Variants in SDK1 observed in about 807,000 individuals in gnomAD.
SDK1 encodes the protein sidekick cell adhesion molecule 1, also known as protein sidekick-1.
Under a neutral mutation model 245.5 loss-of-function variants are expected in SDK1, and 157 were observed. The ratio of observed to expected loss-of-function variants is 0.64; its 90% CI spans 0.56 to 0.73. The LOEUF is 0.73. Among genes scored for constraint, SDK1 ranks in the 30% least tolerant of loss-of-function variants. The pLI is 0.00. For synonymous variants in SDK1, 1,647 were observed against 1,278.5 expected, an observed-to-expected ratio of 1.29 and a Z score of -6.15; for missense variants, 3,583 against 3,002.3, an observed-to-expected ratio of 1.19 and a Z score of -4.52.
At chr7:4,175,665 G>T in intron 33 of SDK1, 110 bp from the exon 34 acceptor site, 1 of 900,250 alleles carries the variant, frequency 1.1e-6, no homozygotes, top group South Asian at 1.3e-5. Flanking sequence ...AGCGTGGGAA[G>T]TGGCTGGCAT....
chr7:4,262,252 GGTCTCGA>G (rs1788064246), intron 44 of SDK1, among the ~76,000 whole-genome samples: 1 of 151,294 alleles, frequency 6.6e-6, no homozygotes. Flanking sequence ...TGGACAGGCT[GGTCTCGA>G]ACTCCTGACC....
At chr7:3,998,797 C>T (rs767451236) in intron 14 of SDK1, among the ~76,000 whole-genome samples, 1 of 152,332 alleles carries the variant, frequency 6.6e-6, no homozygotes, top group East Asian at 1.9e-4. Context: ...CTGTCTTCCA[C>T]GTGGAGTTCC....
chr7:3,800,364 T>G (rs1332275147), intron 4 of SDK1, among the ~76,000 whole-genome samples: 2 of 149,444 alleles, frequency 1.3e-5, no homozygotes, highest in East Asian at 3.9e-4. Context: ...CTTACTTACT[T>G]ACTTACTTAT....
chr7:3,977,400 G>A (rs111643854), intron 13 of SDK1, among the ~76,000 whole-genome samples: 2,539 of 65,920 alleles, frequency 0.039, 237 homozygotes, highest in African/African-American at 0.093. Context: ...AGAATCACTG[G>A]GGGTCCCGGG....
intron 25 of SDK1, among the ~76,000 whole-genome samples, chr7:4,118,394 AAAT>A: frequency 6.6e-6 from 1 of 152,350 alleles, no homozygotes; most frequent in East Asian, 1.9e-4. Flanking sequence ...CACACTCCTA[AAAT>A]AAGATGGCTA....
intron 22 of SDK1, among the ~76,000 whole-genome samples, chr7:4,093,605 A>G (rs1053599286): frequency 6.6e-6 from 1 of 152,176 alleles, no homozygotes; most frequent in Non-Finnish European, 1.5e-5. Context: ...GTAACTAAAG[A>G]GTAGTGGAGA....
chr7:3,481,441 A>G (rs1781518645), intron 1 of SDK1, among the ~76,000 whole-genome samples: 1 of 152,166 alleles, frequency 6.6e-6, no homozygotes, highest in Non-Finnish European at 1.5e-5. Flanking sequence ...ACTCCTCTAG[A>G]TATGCCCTCT....
At chr7:3,633,255 C>T (rs6462200) in intron 2 of SDK1, among the ~76,000 whole-genome samples, 56,648 of 151,838 alleles carry the variant, frequency 0.37, 11,693 homozygotes, top group African/African-American at 0.55. Context: ...CCCCCCACCA[C>T]TGAAAGAGAA....
At chr7:3,641,223 C>T (rs1024468835) in intron 3 of SDK1, among the ~76,000 whole-genome samples, 1 of 152,036 alleles carries the variant, frequency 6.6e-6, no homozygotes, top group African/African-American at 2.4e-5. Context: ...ACTATTTTGC[C>T]ATATCTGTTT....
At chr7:3,497,794 C>T (rs1458952351) in intron 1 of SDK1, among the ~76,000 whole-genome samples, 6 of 152,134 alleles carry the variant, frequency 3.9e-5, no homozygotes, top group South Asian at 2.1e-4. Flanking sequence ...AAAATAAAAA[C>T]GCACACAATA....
chr7:3,508,040 G>A (rs992331534), intron 1 of SDK1, among the ~76,000 whole-genome samples: 9 of 151,894 alleles, frequency 5.9e-5, no homozygotes, highest in African/African-American at 2.2e-4. Context: ...TTTCCTTCTG[G>A]CTGTCCCTTT....
Position 4,174,093 on chromosome 7 carries a change from A to G in SDK1, c.4801-129A>G, listed in dbSNP as rs1304388254. 5 of 939,942 alleles carry G rather than the reference A, an allele frequency of 5.3e-6. No homozygotes were observed. In the Admixed American group the frequency reaches 9.9e-5, roughly 19 times the overall value. 58.2% of individuals were successfully genotyped at this position (939,942 alleles called of 1,614,324 possible). On this transcript the variant is annotated intron_variant, in intron 32 of 44. Transcript: ENST00000404826. ...CTGGGTTCGTCTTGATGAATCTGAC[A>G]CCTGTCGCTGGAACCCACGACTTTC...
At chr7:4,013,771 C>A (rs1159327407) in intron 16 of SDK1, among the ~76,000 whole-genome samples, 2 of 152,178 alleles carry the variant, frequency 1.3e-5, no homozygotes, top group Non-Finnish European at 2.9e-5. Flanking sequence ...ATGGGCCATC[C>A]CCAGGGGTAC....
intron 5 of SDK1, among the ~76,000 whole-genome samples, chr7:3,940,668 A>G (rs1289539004): frequency 6.6e-6 from 1 of 151,950 alleles, no homozygotes; most frequent in Non-Finnish European, 1.5e-5. Context: ...TAAAAATACA[A>G]AAAATAGCCG....
At chr7:3,395,668 T>C (rs1043398672) in intron 1 of SDK1, among the ~76,000 whole-genome samples, 4 of 152,016 alleles carry the variant, frequency 2.6e-5, no homozygotes, top group African/African-American at 9.7e-5. Context: ...ATTTAATTTT[T>C]GTACTTGCTG....
intron 14 of SDK1, among the ~76,000 whole-genome samples, chr7:3,992,311 C>T (rs759550414): frequency 5.3e-5 from 8 of 152,220 alleles, no homozygotes; most frequent in South Asian, 2.1e-4. Flanking sequence ...GGGAGATACA[C>T]GTGGCCCTCT....
chr7:4,052,639 C>A (rs1039616197), intron 19 of SDK1, among the ~76,000 whole-genome samples: 4 of 152,026 alleles, frequency 2.6e-5, no homozygotes, highest in African/African-American at 9.7e-5. Context: ...GAAATATGAA[C>A]AGAGAAAAGA....
At chr7:3,577,133 C>G (rs541544231) in intron 1 of SDK1, among the ~76,000 whole-genome samples, 3 of 152,074 alleles carry the variant, frequency 2.0e-5, no homozygotes, top group Admixed American at 6.5e-5. Flanking sequence ...CTCTGGGCCC[C>G]ATTCTAAATG....
intron 4 of SDK1, among the ~76,000 whole-genome samples, chr7:3,673,963 G>C (rs1783805656): frequency 6.6e-6 from 1 of 152,090 alleles, no homozygotes; most frequent in African/African-American, 2.4e-5. Flanking sequence ...AAGAATAAGA[G>C]ATAATTTCTA....
Sources: gnomAD v4.1 joint callset for allele counts (sites outside exome capture counted in the v4.1 genomes callset) on GRCh38, gnomAD v4.1.1 for gene constraint, MANE v1.5 for transcripts, NCBI Gene and HGNC (gene_info 2026-07-23, HGNC 2026-07-21) for gene names.